The following ZNF382 variants were observed in gnomAD, a reference collection of about 807,000 sequenced individuals.
The protein encoded by ZNF382 is KRAB/zinc finger suppressor protein 1.
ZNF382 carries 20 observed loss-of-function variants against 38.8 expected under a neutral mutation model. The ratio of observed to expected loss-of-function variants is 0.51; its 90% CI spans 0.36 to 0.75. The LOEUF is 0.75. ZNF382 is among the 30% of genes least tolerant of loss of function. ZNF382 has a pLI of 0.00. For synonymous variants in ZNF382, 202 were observed against 223.1 expected, an observed-to-expected ratio of 0.91 and a Z score of 0.84; for missense variants, 546 against 654.1, an observed-to-expected ratio of 0.83 and a Z score of 1.80.
Position 36,626,190 on chromosome 19 carries a change from C to T in ZNF382, c.293C>T (p.Ser98Phe), listed in dbSNP as rs1319274639. 1.3e-6 allele frequency: 2 copies of T among 1,584,894 alleles called. No individual in the cohort carries two copies. The highest frequency in any genetic ancestry group is 3.9e-5 in the Admixed American group (2 of 51,094). ...TTCAAAGAATACCAAGACAGGCATT[C>T]TAGACCCCTCATATTCATCAACCAC... Reference protein sequence around the residue: ...VKFKEYQDRHSRPLIFINHKK... With the variant: ...VKFKEYQDRHFRPLIFINHKK... The change falls in exon 5 of 5, where the codon TCT (serine) becomes TTT (phenylalanine). Residue 98 changes from serine (S) to phenylalanine (F), a missense_variant. Transcript: ENST00000292928.
intron 4 of ZNF382, among the ~76,000 whole-genome samples, chr19:36,621,757 A>G (rs1292266448): frequency 6.6e-6 from 1 of 152,200 alleles, no homozygotes; most frequent in Non-Finnish European, 1.5e-5. Flanking sequence ...ACTATTTTAT[A>G]TGAGGGACTT....
intron 3 of ZNF382, among the ~76,000 whole-genome samples, 180 bp downstream of exon 3, chr19:36,610,233 A>G (rs2037066419): frequency 6.6e-6 from 1 of 152,192 alleles, no homozygotes. Context: ...AGGCAGGTGG[A>G]TCACTTGAGG....
chr19:36,619,136 G>A (rs2037148841), intron 4 of ZNF382, among the ~76,000 whole-genome samples: 1 of 152,190 alleles, frequency 6.6e-6, no homozygotes, highest in Admixed American at 6.5e-5. Flanking sequence ...GAACTTAGAA[G>A]AACTTTGTGC....
At position 36,627,105 on chromosome 19, in the gene ZNF382, C is replaced by A. The variant is rs1192783402; in HGVS notation, c.1208C>A (p.Thr403Lys). The A allele has an allele frequency of 6.2e-7, 1 of 1,614,150 alleles. No individual in the cohort carries two copies. The highest frequency in any genetic ancestry group is 8.5e-7 in the Non-Finnish European group (1 of 1,180,030). ...CTCATTGATCACCAGAGAACTCACA[C>A]AGGAGAGAAACCGTATCAGTGTAAT... ...SYLIDHQRTH[T>K]GEKPYQCNEC... The change falls in exon 5 of 5, where the codon ACA becomes AAA. Residue 403 changes from threonine (T) to lysine (K), a missense_variant. Coordinates refer to ENST00000292928, the MANE Select transcript of ZNF382 (RefSeq NM_032825.5).
chr19:36,617,287 G>A (rs1019141969), intron 4 of ZNF382, among the ~76,000 whole-genome samples: 10 of 152,134 alleles, frequency 6.6e-5, no homozygotes, highest in South Asian at 2.1e-4. Flanking sequence ...CAAAGAAGCC[G>A]GTGCCTGTAA....
chr19:36,625,089 A>AATATATATATATATAT lies in ZNF382; in HGVS notation c.233-1017_233-1002dup, dbSNP rs371760229. Among the ~76,000 whole-genome samples, 214 of 42,946 alleles carry AATATATATATATATAT rather than the reference A, an allele frequency of 5.0e-3. 4 individuals are homozygous for AATATATATATATATAT. Among genetic ancestry groups the AATATATATATATATAT allele is most frequent in the Non-Finnish European group, 6.6e-3 (140 of 21,360 alleles). The allele number at this position is 42,946 out of a possible 152,430, so 28.2% of individuals were successfully genotyped here. ...TCTCAAAAAAATAAAAATGAATTTAAATATATATATATATATATATATATA... is the reference window on the plus strand; with the variant it reads ...TCTCAAAAAAATAAAAATGAATTTAAATATATATATATATATATATATATATATATATATATATATA... On this transcript the variant is annotated intron_variant, in intron 4 of 4. Transcript: ENST00000292928.
chr19:36,609,732 G>A, intron 2 of ZNF382, 170 bp from the exon 3 acceptor site: 1 of 609,998 alleles, frequency 1.6e-6, no homozygotes, highest in Non-Finnish European at 2.6e-6. Flanking sequence ...AGGACAAATA[G>A]TGTGATCTCA....
chr19:36,621,512 A>G (rs1016052478), intron 4 of ZNF382, among the ~76,000 whole-genome samples: 1 of 151,912 alleles, frequency 6.6e-6, no homozygotes, highest in Non-Finnish European at 1.5e-5. Context: ...AGACTACTAA[A>G]TATACTTCAT....
At chr19:36,620,366 G>C (rs373219559) in intron 4 of ZNF382, among the ~76,000 whole-genome samples, 1 of 152,178 alleles carries the variant, frequency 6.6e-6, no homozygotes, top group East Asian at 1.9e-4. Flanking sequence ...ATTTCCCTGA[G>C]TACCTTTTCA....
chr19:36,621,324 GTTTTTTTTT>G (rs10557413), intron 4 of ZNF382, among the ~76,000 whole-genome samples: 3 of 104,472 alleles, frequency 2.9e-5, no homozygotes, highest in Non-Finnish European at 3.8e-5. Context: ...TTTTTCCCTA[GTTTTTTTTT>G]TTTTTTTTTT....
chr19:36,614,955 CTTCCTTTCCT>C (rs1555793094), intron 4 of ZNF382, among the ~76,000 whole-genome samples: 3 of 118,044 alleles, frequency 2.5e-5, no homozygotes, highest in East Asian at 2.3e-4. Flanking sequence ...TTCCCTTTCC[CTTCCTTTCCT>C]TTCCTTTCCT....
At chr19:36,612,007 G>GT (rs939631695) in intron 4 of ZNF382, among the ~76,000 whole-genome samples, 4 of 152,116 alleles carry the variant, frequency 2.6e-5, no homozygotes, top group Non-Finnish European at 4.4e-5. Context: ...TCTATTCCAT[G>GT]TTTTATAGGT....
chr19:36,626,174 T>C lies in ZNF382; in HGVS notation c.277T>C (p.Tyr93His), dbSNP rs781196055. 1 of 1,572,342 alleles carries C rather than the reference T, an allele frequency of 6.4e-7. No homozygotes were observed. Among genetic ancestry groups the C allele is most frequent in the Non-Finnish European group, 8.6e-7 (1 of 1,166,632 alleles). Residue 93 changes from tyrosine to histidine, a missense_variant, in exon 5 of 5, where the codon TAC (tyrosine) becomes CAC (histidine). Coordinates refer to ENST00000292928, the MANE Select transcript of ZNF382 (RefSeq NM_032825.5). ...AGATGTCTTAGTGAAGTTCAAAGAA[T>C]ACCAAGACAGGCATTCTAGACCCCT... ...TEDVLVKFKE[Y>H]QDRHSRPLIF... is the part of the protein sequence containing the mutation.
chr19:36,613,033 C>T (rs1368309585), intron 4 of ZNF382, among the ~76,000 whole-genome samples: 4 of 152,130 alleles, frequency 2.6e-5, no homozygotes, highest in Non-Finnish European at 2.9e-5. Flanking sequence ...CCTTGTCATC[C>T]GCCCACCTTG....
rs756718770 is a variant in ZNF382, at chr19:36,626,478, G to T, written c.581G>T (p.Ser194Ile). 1 of 1,603,630 alleles carries T rather than the reference G, an allele frequency of 6.2e-7. No individual in the cohort carries two copies. The highest frequency in any genetic ancestry group is 1.1e-5 in the South Asian group (1 of 88,628). ...CATAAACAAACAGAAAGAGTTCTCAGTGGTAAACAGGAGCTTATTCAGCAT... is the reference window on the plus strand; with the variant it reads ...CATAAACAAACAGAAAGAGTTCTCATTGGTAAACAGGAGCTTATTCAGCAT... ...NLHKQTERVL[S>I]GKQELIQHQK... The change falls in exon 5 of 5, where the codon AGT (serine) becomes ATT (isoleucine). Residue 194 changes from serine to isoleucine, a missense_variant. Ser to Ile is a moderately radical substitution (Grantham distance 142). Coordinates refer to ENST00000292928, the MANE Select transcript of ZNF382 (RefSeq NM_032825.5).
At chr19:36,625,719 C>G (rs1391756611) in intron 4 of ZNF382, among the ~76,000 whole-genome samples, 3 of 151,938 alleles carry the variant, frequency 2.0e-5, no homozygotes, top group Admixed American at 2.0e-4. Context: ...ACCACCATGC[C>G]CAGCTAATTT....
intron 4 of ZNF382, among the ~76,000 whole-genome samples, chr19:36,619,821 C>T (rs1251388643): frequency 6.6e-6 from 1 of 151,918 alleles, no homozygotes; most frequent in African/African-American, 2.4e-5. Context: ...AGCTCCGCCT[C>T]CCGAGTTCAC....
chr19:36,611,148 G>C (rs1481971881), intron 4 of ZNF382, among the ~76,000 whole-genome samples: 1 of 152,092 alleles, frequency 6.6e-6, no homozygotes, highest in Non-Finnish European at 1.5e-5. Context: ...AAATTAGCCA[G>C]GCATGGTGGT....
chr19:36,629,115 C>G lies in ZNF382; in HGVS notation c.*1565C>G, dbSNP rs1330423026. On this transcript the variant is annotated 3_prime_UTR_variant, in exon 5 of 5. Transcript: ENST00000292928. ...TAGCTGAGATTACAGGCACACGCCACACGCACAGCTAATTTTCGTATTTTT... is the reference window on the plus strand; with the variant it reads ...TAGCTGAGATTACAGGCACACGCCAGACGCACAGCTAATTTTCGTATTTTT... 6.6e-6 allele frequency: 1 copy of G among 152,126 alleles called. No individual in the cohort carries two copies. The highest frequency in any genetic ancestry group is 6.6e-5 in the Admixed American group (1 of 15,260). 9.4% of individuals were successfully genotyped at this position (152,126 alleles called of 1,614,324 possible).
Sources: allele counts gnomAD v4.1 joint callset (sites outside exome capture counted in the v4.1 genomes callset), GRCh38; gene constraint gnomAD v4.1.1; transcripts MANE v1.5; gene names NCBI Gene and HGNC (gene_info 2026-07-23, HGNC 2026-07-21).